The following NTNG1 variants were observed in gnomAD, a reference collection of about 807,000 sequenced individuals.
The protein encoded by NTNG1 is netrin G1.
A neutral mutation model predicts 54.0 loss-of-function variants in NTNG1; 16 were observed. The observed-to-expected ratio is 0.30, with a 90% confidence interval of 0.20 to 0.45. The LOEUF (loss-of-function observed/expected upper bound fraction) is 0.45, where lower values mean the gene tolerates loss of function less well. NTNG1 is among the 20% of genes least tolerant of loss of function. NTNG1 has a pLI of 1.00. For synonymous variants in NTNG1, 255 were observed against 263.1 expected (o/e 0.97, Z 0.30); for missense variants, 530 against 678.7 (o/e 0.78, Z 2.43).
chr1:107,468,359 A>G (rs1677738524), intron 7 of NTNG1, among the ~76,000 whole-genome samples: 2 of 152,200 alleles, frequency 1.3e-5, no homozygotes, highest in African/African-American at 4.8e-5. Context: ...GCCTTTTAAA[A>G]AAACGCGTAT....
intron 2 of NTNG1, among the ~76,000 whole-genome samples, chr1:107,249,218 G>T (rs1662417035): frequency 6.6e-6 from 1 of 151,320 alleles, no homozygotes; most frequent in Non-Finnish European, 1.5e-5. Flanking sequence ...GGGCACGGTG[G>T]CTCACACCTG....
intron 3 of NTNG1, among the ~76,000 whole-genome samples, chr1:107,386,677 G>A (rs1209496401): frequency 6.6e-6 from 1 of 152,104 alleles, no homozygotes; most frequent in Non-Finnish European, 1.5e-5. Context: ...TGGCTATTAT[G>A]AATAATGTTG....
At chr1:107,480,500 CG>C in intron 7 of NTNG1, 110 bp from the exon 8 acceptor site, 1 of 684,928 alleles carries the variant, frequency 1.5e-6, no homozygotes, top group Non-Finnish European at 2.5e-6. Context: ...GCACAAAGAT[CG>C]ATAGAGATTT....
chr1:107,286,102 A>G (rs943997688), intron 2 of NTNG1, among the ~76,000 whole-genome samples: 3 of 152,122 alleles, frequency 2.0e-5, no homozygotes, highest in African/African-American at 7.2e-5. Flanking sequence ...AGGCTATGGG[A>G]GCTATTTCTA....
At chr1:107,376,829 G>A (rs1671302712) in intron 3 of NTNG1, among the ~76,000 whole-genome samples, 3 of 152,086 alleles carry the variant, frequency 2.0e-5, no homozygotes. Flanking sequence ...ACCAGCCCCA[G>A]CACATGCAAG....
At chr1:107,418,794 A>G in intron 5 of NTNG1, 2 of 595,986 alleles carry the variant, frequency 3.4e-6, no homozygotes, top group Non-Finnish European at 6.0e-6. Context: ...TAATATGAAG[A>G]GTGTCCCAAA....
intron 3 of NTNG1, among the ~76,000 whole-genome samples, chr1:107,342,756 C>T (rs1668974437): frequency 1.3e-5 from 2 of 152,164 alleles, no homozygotes; most frequent in Middle Eastern, 6.8e-3. Flanking sequence ...TTAAACAACC[C>T]CATTGGCTAC....
At chr1:107,320,141 T>G (rs1667572449) in intron 2 of NTNG1, among the ~76,000 whole-genome samples, 1 of 152,158 alleles carries the variant, frequency 6.6e-6, no homozygotes, top group African/African-American at 2.4e-5. Context: ...AAATTAAACA[T>G]CACAATCTTC....
intron 5 of NTNG1, among the ~76,000 whole-genome samples, chr1:107,411,696 G>A (rs1238650709): frequency 2.6e-5 from 4 of 152,114 alleles, no homozygotes; most frequent in Non-Finnish European, 5.9e-5. Flanking sequence ...AAAATTATCA[G>A]GCTAGTGTAG....
intron 3 of NTNG1, among the ~76,000 whole-genome samples, chr1:107,329,960 A>G (rs1260140619): frequency 6.6e-6 from 1 of 152,156 alleles, no homozygotes; most frequent in East Asian, 1.9e-4. Context: ...GAATATTCAA[A>G]GTGCTGTGGT....
intron 2 of NTNG1, among the ~76,000 whole-genome samples, chr1:107,203,316 GTC>G (rs1293439541): frequency 1.3e-5 from 2 of 151,138 alleles, no homozygotes; most frequent in African/African-American, 2.4e-5. Context: ...GTCTGAAAAT[GTC>G]TTTTTTTTTG....
intron 7 of NTNG1, among the ~76,000 whole-genome samples, chr1:107,455,356 G>A (rs979157173): frequency 2.6e-5 from 4 of 152,276 alleles, no homozygotes; most frequent in South Asian, 2.1e-4. Flanking sequence ...GAGCCACCAC[G>A]CCCAGCCCAT....
chr1:107,245,037 T>G (rs755020129), intron 2 of NTNG1, among the ~76,000 whole-genome samples: 11 of 152,298 alleles, frequency 7.2e-5, no homozygotes, highest in South Asian at 2.1e-4. Context: ...ATTTGTTAGC[T>G]AACAGAACTT....
chr1:107,322,493 A>G (rs1375727892), intron 2 of NTNG1, among the ~76,000 whole-genome samples: 1 of 152,080 alleles, frequency 6.6e-6, no homozygotes, highest in Non-Finnish European at 1.5e-5. Context: ...GCATTTACAT[A>G]TATTTAGAAT....
chr1:107,346,835 G>A (rs960902057), intron 3 of NTNG1, among the ~76,000 whole-genome samples: 2 of 132,458 alleles, frequency 1.5e-5, no homozygotes, highest in Non-Finnish European at 3.1e-5. Flanking sequence ...TCAAAAAACA[G>A]CAGCTGCACC....
chr1:107,219,624 C>T (rs1255045309), intron 2 of NTNG1, among the ~76,000 whole-genome samples: 2 of 152,152 alleles, frequency 1.3e-5, no homozygotes, highest in Non-Finnish European at 2.9e-5. Context: ...GGTGCTCTCC[C>T]CTTTCCCCTA....
At chr1:107,207,772 G>A (rs1659304812) in intron 2 of NTNG1, among the ~76,000 whole-genome samples, 1 of 152,160 alleles carries the variant, frequency 6.6e-6, no homozygotes, top group Non-Finnish European at 1.5e-5. Context: ...TACTTTCGTA[G>A]CTCATGTTTC....
At chr1:107,285,016 T>C (rs11185081) in intron 2 of NTNG1, among the ~76,000 whole-genome samples, 26,867 of 152,058 alleles carry the variant, frequency 0.18, 2,748 homozygotes, top group East Asian at 0.38. Context: ...GTCAATCACA[T>C]GTATAAAAAT....
intron 2 of NTNG1, among the ~76,000 whole-genome samples, chr1:107,234,572 C>T (rs879712033): frequency 2.6e-5 from 4 of 152,070 alleles, no homozygotes; most frequent in Admixed American, 6.6e-5. Context: ...AGCTATTATT[C>T]CCCTCTATTG....
Sources: allele counts gnomAD v4.1 joint callset (sites outside exome capture counted in the v4.1 genomes callset), GRCh38; gene constraint gnomAD v4.1.1; transcripts MANE v1.5; gene names NCBI Gene and HGNC (gene_info 2026-07-23, HGNC 2026-07-21).